The following CADM1 variants were observed in gnomAD, a reference collection of about 807,000 sequenced individuals.
The protein encoded by CADM1 is TSLC-1.
In CADM1, 15 loss-of-function variants were observed where a neutral mutation model predicts 53.1. The ratio of observed to expected loss-of-function variants is 0.28; its 90% CI spans 0.19 to 0.44. The LOEUF is 0.44. CADM1 is among the 20% of genes least tolerant of loss of function. CADM1 has a pLI of 1.00. For synonymous variants in CADM1, 281 were observed against 243.0 expected (o/e 1.16, Z -1.45); for missense variants, 434 against 611.3 (o/e 0.71, Z 3.06).
chr11:115,381,295 A>G (rs1470005785), intron 1 of CADM1, among the ~76,000 whole-genome samples: 1 of 68,996 alleles, frequency 1.4e-5, no homozygotes, highest in Non-Finnish European at 4.6e-5. Flanking sequence ...CTCCATCTCA[A>G]AAAAAAAAAA....
rs1374288702 is a variant in CADM1 at position 115,320,242 on chromosome 11, T to G, written c.125-79822A>C. 2.0e-5 allele frequency among the ~76,000 whole-genome samples: 3 copies of G among 152,206 alleles called. No homozygotes were observed. The East Asian group carries it at 5.8e-4, about 29-fold the overall frequency. ...TGACTAATTTCCTTAAAATTATTTT[T>G]TATAGAGACGAGGTCTCTCTATGTT... On this transcript the variant is annotated intron_variant, in intron 1 of 11. Transcript: ENST00000331581.
chr11:115,404,707 A>G (rs542938336), intron 1 of CADM1, among the ~76,000 whole-genome samples: 1 of 151,874 alleles, frequency 6.6e-6, no homozygotes, highest in Admixed American at 6.5e-5. Context: ...CACATTATCA[A>G]GAAGGCCAGG....
intron 1 of CADM1, among the ~76,000 whole-genome samples, chr11:115,420,485 A>C (rs139629659): frequency 1.8e-4 from 28 of 152,314 alleles, no homozygotes; most frequent in African/African-American, 5.5e-4. Context: ...TTAATTCCTC[A>C]GCTGCCACCA....
intron 1 of CADM1, among the ~76,000 whole-genome samples, chr11:115,395,576 T>C (rs1014614261): frequency 6.6e-5 from 10 of 152,130 alleles, no homozygotes; most frequent in African/African-American, 2.4e-4. Context: ...ATTATTCTCA[T>C]AAACACAAAA....
At chr11:115,427,157 C>A (rs1445554622) in intron 1 of CADM1, among the ~76,000 whole-genome samples, 1 of 152,164 alleles carries the variant, frequency 6.6e-6, no homozygotes, top group Non-Finnish European at 1.5e-5. Context: ...CCAGCAATGC[C>A]ATTTCTGGGT....
chr11:115,347,040 A>G (rs780827743), intron 1 of CADM1, among the ~76,000 whole-genome samples: 7 of 152,228 alleles, frequency 4.6e-5, no homozygotes, highest in Admixed American at 2.0e-4. Context: ...ATATAAACAT[A>G]TACTCTCAAT....
chr11:115,388,626 T>C (rs529370105), intron 1 of CADM1, among the ~76,000 whole-genome samples: 3 of 152,264 alleles, frequency 2.0e-5, no homozygotes, highest in African/African-American at 4.8e-5. Context: ...GTGAAGGACA[T>C]GTTACTTCAG....
At chr11:115,207,133 G>A (rs141498579) in intron 8 of CADM1, among the ~76,000 whole-genome samples, 230 of 152,158 alleles carry the variant, frequency 1.5e-3, no homozygotes, top group African/African-American at 5.4e-3. Flanking sequence ...CATCCATTAA[G>A]GCAACGAATT....
intron 1 of CADM1, among the ~76,000 whole-genome samples, chr11:115,338,765 C>T (rs1177912680): frequency 6.6e-6 from 1 of 151,978 alleles, no homozygotes; most frequent in Non-Finnish European, 1.5e-5. Context: ...CTTAATCCTT[C>T]CTGGCATAAA....
At chr11:115,488,607 G>A (rs1262430348) in intron 1 of CADM1, among the ~76,000 whole-genome samples, 1 of 152,108 alleles carries the variant, frequency 6.6e-6, no homozygotes, top group Non-Finnish European at 1.5e-5. Context: ...TAAATTAAAA[G>A]GTAATGTTAG....
chr11:115,320,619 C>A (rs1000179511), intron 1 of CADM1, among the ~76,000 whole-genome samples: 5 of 151,464 alleles, frequency 3.3e-5, no homozygotes, highest in African/African-American at 4.9e-5. Flanking sequence ...AGAAGAATTG[C>A]AGAATTAGTG....
chr11:115,336,315 A>G (rs970809528), intron 1 of CADM1, among the ~76,000 whole-genome samples: 1 of 152,176 alleles, frequency 6.6e-6, no homozygotes, highest in African/African-American at 2.4e-5. Flanking sequence ...ACGTCTTAGT[A>G]TTATGAGAAC....
chr11:115,421,551 T>C (rs1023196780), intron 1 of CADM1, among the ~76,000 whole-genome samples: 1 of 152,200 alleles, frequency 6.6e-6, no homozygotes, highest in African/African-American at 2.4e-5. Flanking sequence ...ACTGTTAGAC[T>C]CATCAAGTTT....
At chr11:115,297,074 A>C (rs1173653732) in intron 1 of CADM1, among the ~76,000 whole-genome samples, 1 of 152,344 alleles carries the variant, frequency 6.6e-6, no homozygotes, top group East Asian at 1.9e-4. Flanking sequence ...CCTATAGTAC[A>C]TTCCCCTCCT....
At chr11:115,340,656 A>ATTTTTTT (rs1365807207) in intron 1 of CADM1, among the ~76,000 whole-genome samples, 23 of 52,332 alleles carry the variant, frequency 4.4e-4, no homozygotes, top group African/African-American at 1.2e-3. Context: ...ATATATATAT[A>ATTTTTTT]TATTTTTTTT....
At chr11:115,405,502 A>C (rs183207497) in intron 1 of CADM1, among the ~76,000 whole-genome samples, 7 of 152,336 alleles carry the variant, frequency 4.6e-5, no homozygotes, top group South Asian at 2.1e-4. Flanking sequence ...CAAAAGTAGA[A>C]GGCACACAGA....
intron 1 of CADM1, among the ~76,000 whole-genome samples, chr11:115,430,694 G>GC (rs1948025252): frequency 2.0e-5 from 3 of 152,134 alleles, no homozygotes. Context: ...TCAATGGAAA[G>GC]CAGAGATTAA....
At chr11:115,346,964 C>A (rs1050739762) in intron 1 of CADM1, among the ~76,000 whole-genome samples, 2 of 151,810 alleles carry the variant, frequency 1.3e-5, no homozygotes, top group African/African-American at 2.4e-5. Context: ...CAAAAAAAAA[C>A]CCTATTGATT....
intron 1 of CADM1, among the ~76,000 whole-genome samples, chr11:115,404,325 CG>C (rs1299866935): frequency 9.2e-5 from 1 of 10,862 alleles, no homozygotes; most frequent in African/African-American, 4.7e-4. Flanking sequence ...GAATCTGTCT[CG>C]GAAAAAAAAA....
Sources: allele counts gnomAD v4.1 joint callset (sites outside exome capture counted in the v4.1 genomes callset), GRCh38; gene constraint gnomAD v4.1.1; transcripts MANE v1.5; gene names NCBI Gene and HGNC (gene_info 2026-07-23, HGNC 2026-07-21).